Variants in MTUS2 observed in about 807,000 individuals in gnomAD.
MTUS2 encodes the protein microtubule associated scaffold protein 2, also known as microtubule-associated tumor suppressor candidate 2.
MTUS2 carries 40 observed loss-of-function variants against 114.1 expected under a neutral mutation model. The observed-to-expected ratio is 0.35, with a 90% CI of 0.27 to 0.46. The LOEUF (loss-of-function observed/expected upper bound fraction) is 0.46. Among genes scored for constraint, MTUS2 ranks in the 20% least tolerant of loss-of-function variants. MTUS2 has a pLI of 1.00. For missense variants in MTUS2, 1,679 were observed against 1,705.4 expected, an observed-to-expected ratio of 0.98 and a Z score of 0.27; for synonymous variants, 688 against 672.0, an observed-to-expected ratio of 1.02 and a Z score of -0.37.
intron 7 of MTUS2, among the ~76,000 whole-genome samples, chr13:29,350,346 G>A (rs1431817597): frequency 1.3e-5 from 2 of 150,110 alleles, no homozygotes; most frequent in African/African-American, 4.9e-5. Flanking sequence ...TAGTACCAGA[G>A]TCCTTGTTTC....
At chr13:29,099,094 G>A (rs1209155747) in intron 4 of MTUS2, among the ~76,000 whole-genome samples, 2 of 152,186 alleles carry the variant, frequency 1.3e-5, no homozygotes, top group Non-Finnish European at 2.9e-5. Flanking sequence ...TATTTTCACT[G>A]TTCTGGGGAT....
chr13:29,459,098 C>G (rs1398749352), intron 9 of MTUS2, among the ~76,000 whole-genome samples: 1 of 152,236 alleles, frequency 6.6e-6, no homozygotes, highest in African/African-American at 2.4e-5. Flanking sequence ...CTTCGCATCG[C>G]TTGGACCCAA....
chr13:29,323,589 T>C (rs2138011793), intron 6 of MTUS2, among the ~76,000 whole-genome samples: 2 of 152,240 alleles, frequency 1.3e-5, no homozygotes, highest in East Asian at 3.9e-4. Context: ...AATACACTGA[T>C]AAGAAAAAGA....
At chr13:29,001,833 CAA>C (rs561355923) in intron 2 of MTUS2, among the ~76,000 whole-genome samples, 153 of 152,226 alleles carry the variant, frequency 1.0e-3, no homozygotes, top group Non-Finnish European at 6.0e-4. Flanking sequence ...GCAGGAGTGT[CAA>C]AGTCAGAGGA....
intron 8 of MTUS2, among the ~76,000 whole-genome samples, chr13:29,363,255 A>G (rs1343213989): frequency 6.6e-6 from 1 of 152,158 alleles, no homozygotes; most frequent in East Asian, 1.9e-4. Context: ...AGTTTTATAC[A>G]CATTACCTGA....
chr13:28,981,291 A>G (rs112312909), intron 2 of MTUS2, among the ~76,000 whole-genome samples: 1,883 of 152,344 alleles, frequency 0.012, 34 homozygotes, highest in African/African-American at 0.043. Context: ...GAAAAAGGAA[A>G]AAGACAGTCT....
intron 4 of MTUS2, among the ~76,000 whole-genome samples, chr13:29,078,569 A>G (rs12184935): frequency 0.18 from 27,370 of 152,212 alleles, 2,896 homozygotes; most frequent in Non-Finnish European, 0.24. Context: ...AGAATTATGC[A>G]AATATCACTG....
intron 5 of MTUS2, among the ~76,000 whole-genome samples, chr13:29,253,597 A>G (rs1897199243): frequency 1.3e-5 from 2 of 152,024 alleles, no homozygotes; most frequent in Non-Finnish European, 2.9e-5. Flanking sequence ...AGTCCTTGCT[A>G]TGGGATACAT....
At position 29,134,915 on chromosome 13, in the gene MTUS2, C is replaced by T. The variant is rs533226100; in HGVS notation, c.2644+33945C>T. ...CTTTTTATTAATATATACAATAGTCCCCCTTACTTTTCATTAATATAATAT... is the reference window on the plus strand; with the variant it reads ...CTTTTTATTAATATATACAATAGTCTCCCTTACTTTTCATTAATATAATAT... On this transcript the variant is annotated intron_variant, in intron 5 of 15. Coordinates refer to ENST00000612955, the MANE Select transcript of MTUS2 (RefSeq NM_001033602.4). Among the ~76,000 whole-genome samples the T allele has an allele frequency of 1.1e-4, 17 of 152,228 alleles. No homozygotes were observed. The East Asian group carries it at 2.9e-3, about 26-fold the overall frequency.
chr13:29,189,440 A>G (rs1475862481), intron 5 of MTUS2, among the ~76,000 whole-genome samples: 1 of 152,158 alleles, frequency 6.6e-6, no homozygotes, highest in Non-Finnish European at 1.5e-5. Flanking sequence ...TCACAGTATT[A>G]GGGCTGTAAA....
intron 4 of MTUS2, among the ~76,000 whole-genome samples, chr13:29,060,128 G>C (rs957607625): frequency 8.5e-5 from 13 of 152,232 alleles, no homozygotes; most frequent in Admixed American, 8.5e-4. Flanking sequence ...GTCTAGCAAG[G>C]GGGTGCAGCA....
At chr13:29,468,144 G>A (rs2138827133) in intron 9 of MTUS2, among the ~76,000 whole-genome samples, 1 of 152,048 alleles carries the variant, frequency 6.6e-6, no homozygotes, top group South Asian at 2.1e-4. Context: ...AATCCCAAAA[G>A]AGTACATAAA....
Position 28,869,389 on chromosome 13 carries a change from G to GTA in MTUS2, c.-243+29539_-243+29540insTA, listed in dbSNP as rs1285097313. Among the ~76,000 whole-genome samples the GTA allele has an allele frequency of 2.0e-5, 3 of 152,194 alleles. No individual in the cohort carries two copies. The East Asian group carries it at 5.8e-4, about 29-fold the overall frequency. The stretch of plus-strand genomic sequence containing the variant: ...ACCGTTATTTAAAGTAATTCTACAA[G>GTA]GGATAGATTTTGGTCCATTTGTAAA... On this transcript the variant is annotated intron_variant, in intron 2 of 15. Transcript: ENST00000612955.
At position 28,892,211 on chromosome 13, in the gene MTUS2, A is replaced by G. The variant is rs111331959; in HGVS notation, c.-243+52361A>G. On this transcript the variant is annotated intron_variant, in intron 2 of 15. Transcript: ENST00000612955. ...ATATACCCTGTGTTATGTCAGTGAG[A>G]TGCCCGGCATAGTGAATGCGTGGGA... 7.4e-4 allele frequency among the ~76,000 whole-genome samples: 113 copies of G among 152,258 alleles called. No individual in the cohort carries two copies. In the East Asian group the frequency reaches 0.011, roughly 15 times the overall value.
At chr13:28,935,452 C>A (rs1306113941) in intron 2 of MTUS2, among the ~76,000 whole-genome samples, 8 of 152,064 alleles carry the variant, frequency 5.3e-5, no homozygotes, top group African/African-American at 1.4e-4. Context: ...GTTCTACATC[C>A]TCACCAAAGC....
chr13:29,277,059 C>T (rs1160570541), intron 5 of MTUS2, among the ~76,000 whole-genome samples: 1 of 152,140 alleles, frequency 6.6e-6, no homozygotes, highest in African/African-American at 2.4e-5. Flanking sequence ...TCTATGGTCT[C>T]TTACATTTCT....
intron 2 of MTUS2, among the ~76,000 whole-genome samples, chr13:28,994,784 G>A (rs1885019639): frequency 6.6e-6 from 1 of 152,054 alleles, no homozygotes; most frequent in African/African-American, 2.4e-5. Context: ...TGAGTTCATT[G>A]TAGATTCTGG....
Position 29,288,091 on chromosome 13 carries a change from G to A in MTUS2, c.2806+6226G>A, listed in dbSNP as rs561970823. On this transcript the variant is annotated intron_variant, in intron 6 of 15. Transcript: ENST00000612955. ...AGGAAAGACAGTAAATCTAGCTTTA[G>A]ATGAGATGAGTTTGAGGTGCCTGGG... is the stretch of plus-strand genomic sequence containing the variant. 1.6e-4 allele frequency among the ~76,000 whole-genome samples: 25 copies of A among 152,320 alleles called. No individual in the cohort carries two copies. In the South Asian group the frequency reaches 5.0e-3, roughly 30 times the overall value.
chr13:28,889,802 A>G (rs1878808945), intron 2 of MTUS2, among the ~76,000 whole-genome samples: 1 of 152,070 alleles, frequency 6.6e-6, no homozygotes, highest in African/African-American at 2.4e-5. Context: ...CCCAGGCATG[A>G]CCCCCATAAG....
Sources: gnomAD v4.1 joint callset for allele counts (sites outside exome capture counted in the v4.1 genomes callset) on GRCh38, gnomAD v4.1.1 for gene constraint, MANE v1.5 for transcripts, NCBI Gene and HGNC (gene_info 2026-07-23, HGNC 2026-07-21) for gene names.